The following PEX26 variants were observed in gnomAD, a reference collection of about 807,000 sequenced individuals.
The protein encoded by PEX26 is peroxisomal biogenesis factor 26.
Under a neutral mutation model 31.4 loss-of-function variants are expected in PEX26, and 18 were observed. That is an observed-to-expected ratio of 0.57 (90% CI 0.40 to 0.85). PEX26 has a LOEUF of 0.85. PEX26 is among the 40% of genes least tolerant of loss of function. The pLI is 0.00. For missense variants in PEX26, 377 were observed against 383.9 expected, an observed-to-expected ratio of 0.98 and a Z score of 0.15; for synonymous variants, 176 against 166.9, an observed-to-expected ratio of 1.05 and a Z score of -0.42.
At chr22:18,079,246 T>G in intron 1 of PEX26, 7 of 985,252 alleles carry the variant, frequency 7.1e-6, no homozygotes, top group Non-Finnish European at 8.4e-6. Context: ...GCCACCAGCC[T>G]CGTCTGGCAG....
rs8138810 is a variant in PEX26, at chr22:18,081,025, G to C, written c.371+1011G>C. The stretch of plus-strand genomic sequence containing the variant: ...TTTTTTTTTTTAAAGATTCACATGA[G>C]TGAAATCATGTAGTATTTATCTTTC... On this transcript the variant is annotated intron_variant, in intron 2 of 4. Transcript: ENST00000399744. Among the ~76,000 whole-genome samples, 14 of 150,042 alleles carry C rather than the reference G, an allele frequency of 9.3e-5. No homozygotes were observed. In the East Asian group the frequency reaches 1.8e-3, roughly 19 times the overall value.
intron 1 of PEX26, 26 bp from the exon 2 acceptor site, chr22:18,079,848 A>G: frequency 6.2e-7 from 1 of 1,613,796 alleles, no homozygotes; most frequent in Non-Finnish European, 8.5e-7. Flanking sequence ...ACCACTTCTA[A>G]CTGAAATTGG....
rs1458861206 is a variant in PEX26 at position 18,096,816 on chromosome 22, G to GCTTTCACA, written c.*8744_*8745insTCACACTT. On this transcript the variant is annotated 3_prime_UTR_variant, in exon 5 of 5. Coordinates refer to ENST00000399744, the MANE Select transcript of PEX26 (RefSeq NM_001127649.3). ...ATACATTCATAGGGTTTTTGAAAAG[G>GCTTTCACA]CTTGAAAAAGTCTAGTGTGAAAGCA... is the stretch of plus-strand genomic sequence containing the variant. 1 of 152,156 alleles carries GCTTTCACA rather than the reference G, an allele frequency of 6.6e-6. No individual in the cohort carries two copies. Among genetic ancestry groups the GCTTTCACA allele is most frequent in the Non-Finnish European group, 1.5e-5 (1 of 68,022 alleles). 9.4% of individuals were successfully genotyped at this position (152,156 alleles called of 1,614,324 possible). A position where few individuals can be genotyped will look rare whatever the true frequency, so the allele number is the denominator to read the frequency against.
At chr22:18,079,709 A>G (rs978976972) in intron 1 of PEX26, among the ~76,000 whole-genome samples, 165 bp from the exon 2 acceptor site, 1 of 152,174 alleles carries the variant, frequency 6.6e-6, no homozygotes, top group Non-Finnish European at 1.5e-5. Flanking sequence ...CCTGGGGGAA[A>G]GGGCAGCCCA....
At position 18,080,020 on chromosome 22, in the gene PEX26, T is replaced by C. The variant is rs1769569086; in HGVS notation, c.371+6T>C. 2 of 1,614,058 alleles carry C rather than the reference T, an allele frequency of 1.2e-6. No individual in the cohort carries two copies. Among genetic ancestry groups the C allele is most frequent in the African/African-American group, 2.7e-5 (2 of 75,028 alleles). ...CCCAAAGTCCTGGAGCTGTGGTAAG[T>C]CTTCTTTGCTGACTCATCAGATCGG... On this transcript the variant is annotated splice_donor_region_variant and intron_variant, in intron 2 of 4. Coordinates refer to ENST00000399744, the MANE Select transcript of PEX26 (RefSeq NM_001127649.3).
rs1325675573 is a variant in PEX26, at chr22:18,091,293, AG to A, written c.*3219del. 1 of 152,262 alleles carries A rather than the reference AG, an allele frequency of 6.6e-6. No individual in the cohort carries two copies. The highest frequency in any genetic ancestry group is 2.4e-5 in the African/African-American group (1 of 41,466). 9.4% of individuals were successfully genotyped at this position (152,262 alleles called of 1,614,324 possible). On this transcript the variant is annotated 3_prime_UTR_variant, in exon 5 of 5. Transcript: ENST00000399744. Reference sequence around the variant, plus strand: ...CTTTTCTTTCTCTTACACAAATGATAGTAGTCACATACACTACACACACTGT... The same window carrying A: ...CTTTTCTTTCTCTTACACAAATGATATAGTCACATACACTACACACACTGT...
Position 18,080,457 on chromosome 22 carries a change from G to T in PEX26, c.371+443G>T, listed in dbSNP as rs570924652. Among the ~76,000 whole-genome samples the T allele has an allele frequency of 2.0e-5, 3 of 152,264 alleles. No individual in the cohort carries two copies. The East Asian group carries it at 5.8e-4, about 29-fold the overall frequency. On this transcript the variant is annotated intron_variant, in intron 2 of 4. Transcript: ENST00000399744. ...CCATTCTCCTGCCTCAGCCTCCCGA[G>T]TAGCTGGGACTACAGGCGCCTGCCA...
Position 18,083,513 on chromosome 22 carries a change from A to T in PEX26, c.448A>T (p.Asn150Tyr). ...VVGAWLQDPA[N>Y]QNLPEYGALA... ...GGGTGCCTGGCTCCAAGACCCAGCC[A>T]ATCAAAACCTTCCAGAATATGGAGC... is the stretch of plus-strand genomic sequence containing the variant. Residue 150 changes from asparagine (N) to tyrosine (Y), a missense_variant, in exon 3 of 5, where the codon AAT becomes TAT. By Grantham distance (143) the Asn-to-Tyr change is moderately radical. Transcript: ENST00000399744. 1 of 1,614,140 alleles carries T rather than the reference A, an allele frequency of 6.2e-7. No individual in the cohort carries two copies. The highest frequency in any genetic ancestry group is 8.5e-7 in the Non-Finnish European group (1 of 1,179,994).
rs1356892369 is a variant in PEX26 at position 18,079,873 on chromosome 22, G to C, written c.231-1G>C. 1 of 1,614,032 alleles carries C rather than the reference G, an allele frequency of 6.2e-7. No homozygotes were observed. Among genetic ancestry groups the C allele is most frequent in the African/African-American group, 1.3e-5 (1 of 74,902 alleles). On this transcript the variant is annotated splice_acceptor_variant, in intron 1 of 4. Coordinates refer to ENST00000399744, the MANE Select transcript of PEX26 (RefSeq NM_001127649.3). LOFTEE classifies it high-confidence loss of function. ...ACTGAAATTGGTTTTTCTGCTGACA[G>C]CTCATTGGAGGTGAAGTGCTCCCTG...
chr22:18,081,251 C>T (rs1015271046), intron 2 of PEX26, among the ~76,000 whole-genome samples: 29 of 147,226 alleles, frequency 2.0e-4, no homozygotes, highest in African/African-American at 7.5e-4. Context: ...CATATACACA[C>T]ACACACACAC....
Position 18,101,453 on chromosome 22 carries a change from A to G in PEX26, c.*13378A>G, listed in dbSNP as rs361950. ...TCATGCTGATTTTGACCTTCCTCTG[A>G]CCCTTTTCCCTCAACTGCTTGGTGG... On this transcript the variant is annotated 3_prime_UTR_variant, in exon 5 of 5. Coordinates refer to ENST00000399744, the MANE Select transcript of PEX26 (RefSeq NM_001127649.3). 153,606 of 154,844 alleles carry G rather than the reference A, an allele frequency of 0.99. 76,194 individuals carry two copies. The highest frequency in any genetic ancestry group is 1 in the East Asian group (5,412 of 5,414). The allele number at this position is 154,844 out of a possible 1,614,324, so 9.6% of individuals were successfully genotyped here.
rs1235498768 is a variant in PEX26, at chr22:18,099,586, A to C, written c.*11511A>C. 1 of 152,180 alleles carries C rather than the reference A, an allele frequency of 6.6e-6. No homozygotes were observed. Among genetic ancestry groups the C allele is most frequent in the African/African-American group, 2.4e-5 (1 of 41,450 alleles). 9.4% of individuals were successfully genotyped at this position (152,180 alleles called of 1,614,324 possible). A position where few individuals can be genotyped will look rare whatever the true frequency, so the allele number is the denominator to read the frequency against. The stretch of plus-strand genomic sequence containing the variant: ...TATTACCTATTCAGCTTCCAACATT[A>C]TCACTTCCTTACTACACACATTTGT... On this transcript the variant is annotated 3_prime_UTR_variant, in exon 5 of 5. Transcript: ENST00000399744.
intron 1 of PEX26, among the ~76,000 whole-genome samples, chr22:18,079,651 G>A (rs1926466767): frequency 6.6e-6 from 1 of 152,178 alleles, no homozygotes; most frequent in African/African-American, 2.4e-5. Context: ...TGAACGTTGA[G>A]CAACAGCTGA....
At position 18,096,050 on chromosome 22, in the gene PEX26, T is replaced by C. The variant is rs1927282058; in HGVS notation, c.*7975T>C. ...GTTGGCCAGGCTGGTCTTGAACTCT[T>C]GACCTCAAGTGATCTGCATGCCTCA... is the stretch of plus-strand genomic sequence containing the variant. On this transcript the variant is annotated 3_prime_UTR_variant, in exon 5 of 5. Transcript: ENST00000399744. The C allele has an allele frequency of 6.6e-6, 1 of 152,242 alleles. No individual in the cohort carries two copies. Among genetic ancestry groups the C allele is most frequent in the South Asian group, 2.1e-4 (1 of 4,828 alleles). The allele number at this position is 152,242 out of a possible 1,614,324, so 9.4% of individuals were successfully genotyped here. A position where few individuals can be genotyped will look rare whatever the true frequency, so the allele number is the denominator to read the frequency against.
At position 18,102,065 on chromosome 22, in the gene PEX26, C is replaced by A. The variant is rs1390914979; in HGVS notation, c.*13990C>A. ...CAAGGAAAATCACTAAAATGTGCGT[C>A]TCTTCATTTAAAAGAAAAAAAAGTT... On this transcript the variant is annotated 3_prime_UTR_variant, in exon 5 of 5. Transcript: ENST00000399744. 1 of 152,222 alleles carries A rather than the reference C, an allele frequency of 6.6e-6. No homozygotes were observed. Among genetic ancestry groups the A allele is most frequent in the African/African-American group, 2.4e-5 (1 of 41,424 alleles). 9.4% of individuals were successfully genotyped at this position (152,222 alleles called of 1,614,324 possible). A position where few individuals can be genotyped will look rare whatever the true frequency, so the allele number is the denominator to read the frequency against.
At position 18,094,758 on chromosome 22, in the gene PEX26, CTTTTT is replaced by C. The variant is rs781155287; in HGVS notation, c.*6688_*6692del. The C allele has an allele frequency of 8.9e-6, 1 of 111,916 alleles. No homozygotes were observed. Among genetic ancestry groups the C allele is most frequent in the Non-Finnish European group, 2.1e-5 (1 of 47,140 alleles). 6.9% of individuals were successfully genotyped at this position (111,916 alleles called of 1,614,324 possible). On this transcript the variant is annotated 3_prime_UTR_variant, in exon 5 of 5. Transcript: ENST00000399744. ...TAGCTAGTTTCTTATTTTCCTTTGGCTTTTTTTTTCTTTTCTTTTCTTTTCTTCTT... is the reference window on the plus strand; with the variant it reads ...TAGCTAGTTTCTTATTTTCCTTTGGCTTTTCTTTTCTTTTCTTTTCTTCTT...
chr22:18,098,216 TACAC>T lies in PEX26; in HGVS notation c.*10147_*10150del, dbSNP rs1468010831. The T allele has an allele frequency of 2.7e-5, 4 of 150,902 alleles. No individual in the cohort carries two copies. The highest frequency in any genetic ancestry group is 4.4e-5 in the Non-Finnish European group (3 of 67,602). 9.3% of individuals were successfully genotyped at this position (150,902 alleles called of 1,614,324 possible). A position where few individuals can be genotyped will look rare whatever the true frequency, so the allele number is the denominator to read the frequency against. On this transcript the variant is annotated 3_prime_UTR_variant, in exon 5 of 5. Transcript: ENST00000399744. The stretch of plus-strand genomic sequence containing the variant: ...ACAGAGCGAGACTCTGTCTCACACA[TACAC>T]ACACAAAAAAAGTATAAATATATAG...
chr22:18,088,132 G>A lies in PEX26; in HGVS notation c.*57G>A. ...TCACGTCCGTGGCCACAGAAGCAGA[G>A]CGACAGAGCGACACATCCACAGGCG... On this transcript the variant is annotated 3_prime_UTR_variant, in exon 5 of 5. Coordinates refer to ENST00000399744, the MANE Select transcript of PEX26 (RefSeq NM_001127649.3). The surrounding 1 kb of genome is among the most constrained non-coding windows in gnomAD (Gnocchi z 4.1). 8.9e-7 allele frequency: 1 copy of A among 1,127,386 alleles called. No homozygotes were observed. Among genetic ancestry groups the A allele is most frequent in the Non-Finnish European group, 1.3e-6 (1 of 742,204 alleles). 69.8% of individuals were successfully genotyped at this position (1,127,386 alleles called of 1,614,324 possible).
intron 2 of PEX26, among the ~76,000 whole-genome samples, chr22:18,082,622 G>T (rs1926661921): frequency 6.6e-6 from 1 of 152,172 alleles, no homozygotes; most frequent in South Asian, 2.1e-4. Flanking sequence ...AGTATGGTTT[G>T]AAGTCAGGTA....
Sources: allele counts gnomAD v4.1 joint callset (sites outside exome capture counted in the v4.1 genomes callset), GRCh38; gene constraint gnomAD v4.1.1; non-coding constraint Gnocchi (gnomAD v3.1); transcripts MANE v1.5; gene names NCBI Gene and HGNC (gene_info 2026-07-23, HGNC 2026-07-21).